Variants in DEAF1 observed in about 807,000 individuals in gnomAD.
DEAF1 encodes the protein DEAF1 transcription factor, also known as deformed epidermal autoregulatory factor 1 homolog.
A neutral mutation model predicts 58.9 loss-of-function variants in DEAF1; 53 were observed. The observed-to-expected ratio is 0.90, with a 90% CI of 0.72 to 1.13. The LOEUF (loss-of-function observed/expected upper bound fraction) is 1.13. Among genes scored for constraint, DEAF1 ranks in the 50% most tolerant of loss-of-function variants. The probability of loss-of-function intolerance (pLI) is 0.00; values close to 1 mark genes in which losing one functional copy is unlikely to be tolerated. For missense variants in DEAF1, 685 were observed against 791.4 expected (o/e 0.87, Z 1.61); for synonymous variants, 385 against 340.4 (o/e 1.13, Z -1.44).
rs920042217 is a variant in DEAF1 at position 653,982 on chromosome 11, A to T, written c.1573T>A (p.Ser525Thr). 1.2e-6 allele frequency: 2 copies of T among 1,613,850 alleles called. No homozygotes were observed. Among genetic ancestry groups the T allele is most frequent in the Non-Finnish European group, 1.7e-6 (2 of 1,179,950 alleles). The part of the protein sequence containing the change: ...CTGCHKVNYC[S>T]TFCQRKDWKD... ...CCTACCTTGCGTTGGCAGAAGGTGG[A>T]GCAGTAGTTGACCTTGTGGCAGCCG... The change falls in exon 11 of 12, where the codon TCC (serine) becomes ACC (threonine). Residue 525 changes from serine (S) to threonine (T), a missense_variant. This residue lies in a region of DEAF1 where 343 missense variants were observed against 379.8 expected (regional missense o/e 0.90). Coordinates refer to ENST00000382409, the MANE Select transcript of DEAF1 (RefSeq NM_021008.4).
chr11:695,171 C>A lies in DEAF1; in HGVS notation c.-124G>T. On this transcript the variant is annotated 5_prime_UTR_variant, in exon 1 of 12. Coordinates refer to ENST00000382409, the MANE Select transcript of DEAF1 (RefSeq NM_021008.4). ...GCCGAGGCCGCCCGAAGCCGCCGCC[C>A]GAATAGGGACCGAAAAGGCAGCCAG... 1.1e-6 allele frequency: 1 copy of A among 900,280 alleles called. No individual in the cohort carries two copies. Among genetic ancestry groups the A allele is most frequent in the Non-Finnish European group, 1.5e-6 (1 of 666,460 alleles). 55.8% of individuals were successfully genotyped at this position (900,280 alleles called of 1,614,324 possible). A position where few individuals can be genotyped will look rare whatever the true frequency, so the allele number is the denominator to read the frequency against.
Position 688,366 on chromosome 11 carries a change from G to T in DEAF1, c.482C>A (p.Thr161Asn). 1 of 1,613,844 alleles carries T rather than the reference G, an allele frequency of 6.2e-7. No individual in the cohort carries two copies. The highest frequency in any genetic ancestry group is 8.5e-7 in the Non-Finnish European group (1 of 1,180,032). The change falls in exon 3 of 12, where the codon ACC becomes AAC. Residue 161 changes from threonine (T) to asparagine (N), a missense_variant. Physicochemically the swap from Thr to Asn is moderately conservative, Grantham distance 65 (BLOSUM62 0). Transcript: ENST00000382409. The surrounding 1 kb of genome is among the most constrained non-coding windows in gnomAD (Gnocchi z 4.3). ...GGGAGCTGCCGGGCCTTTCAGCCCG[G>T]TGGTCTCCACGATGCTCCCATCTGT... ...VHTDGSIVET[T>N]GLKGPAAPLT...
intron 1 of DEAF1, chr11:703,457 T>TCCACAGACCC: frequency 2.4e-6 from 3 of 1,269,832 alleles, no homozygotes; most frequent in Non-Finnish European, 3.0e-6. Flanking sequence ...CAGCCAGGCC[T>TCCACAGACCC]CCACAGACCC....
In DEAF1 at chr11:678,685, C is replaced by G; in HGVS notation, c.1255+9G>C. ...TAACCTGTACATGTGTGAATTCTTT[C>G]AAACCTACCTATTTTGGGATGTGAC... is the stretch of plus-strand genomic sequence containing the variant. On this transcript the variant is annotated intron_variant, in intron 9 of 11. Coordinates refer to ENST00000382409, the MANE Select transcript of DEAF1 (RefSeq NM_021008.4). The G allele has an allele frequency of 3.7e-6, 6 of 1,613,962 alleles. No homozygotes were observed. Among genetic ancestry groups the G allele is most frequent in the Non-Finnish European group, 5.1e-6 (6 of 1,179,910 alleles).
chr11:705,615 C>T (rs894707431), intron 1 of DEAF1, among the ~76,000 whole-genome samples: 2 of 152,182 alleles, frequency 1.3e-5, no homozygotes, highest in Admixed American at 6.5e-5. Context: ...GGCTCCAGGC[C>T]TGGGGTGGGC....
At chr11:673,537 A>G (rs369287500) in intron 10 of DEAF1, among the ~76,000 whole-genome samples, 10 of 152,330 alleles carry the variant, frequency 6.6e-5, no homozygotes, top group African/African-American at 2.4e-4. Flanking sequence ...CACAAATAAA[A>G]ATAAAAATAG....
At chr11:678,995 C>A (rs1468840982) in intron 8 of DEAF1, among the ~76,000 whole-genome samples, 173 bp from the exon 9 acceptor site, 1 of 152,152 alleles carries the variant, frequency 6.6e-6, no homozygotes, top group Admixed American at 6.5e-5. Flanking sequence ...AGGATTGGGG[C>A]TATATCAGGT....
chr11:682,433 C>A (rs983430101), intron 6 of DEAF1, among the ~76,000 whole-genome samples: 3 of 152,242 alleles, frequency 2.0e-5, no homozygotes, highest in African/African-American at 7.2e-5. Context: ...GAACTGCTGG[C>A]CTCCTCTTAA....
intron 10 of DEAF1, among the ~76,000 whole-genome samples, chr11:667,085 A>G (rs1859571760): frequency 6.6e-6 from 1 of 151,934 alleles, no homozygotes; most frequent in Non-Finnish European, 1.5e-5. Context: ...GTGTAGTCCC[A>G]GCTACTCAGA....
Position 656,208 on chromosome 11 carries a change from T to C in DEAF1, c.1504-2157A>G, listed in dbSNP as rs573721297. Among the ~76,000 whole-genome samples the C allele has an allele frequency of 2.0e-4, 30 of 149,944 alleles. No homozygotes were observed. In the South Asian group the frequency reaches 6.3e-3, roughly 31 times the overall value. ...TCTCGCTCTGTCGCCCAGCCTGGAGTGCAGTGGCACGATCTCAGCTCATTG... is the reference window on the plus strand; with the variant it reads ...TCTCGCTCTGTCGCCCAGCCTGGAGCGCAGTGGCACGATCTCAGCTCATTG... On this transcript the variant is annotated intron_variant, in intron 10 of 11. Coordinates refer to ENST00000382409, the MANE Select transcript of DEAF1 (RefSeq NM_021008.4).
At chr11:703,490 G>A in intron 1 of DEAF1, 1 of 1,257,264 alleles carries the variant, frequency 8.0e-7, no homozygotes, top group Non-Finnish European at 1.0e-6. Flanking sequence ...AGGGCCGAGA[G>A]GGAGGACAGA....
chr11:694,951 C>G lies in DEAF1; in HGVS notation c.97G>C (p.Ala33Pro), dbSNP rs2133439224. The change falls in exon 1 of 12, where the codon GCA (alanine) becomes CCA (proline). Residue 33 changes from alanine (A) to proline (P), a missense_variant. Coordinates refer to ENST00000382409, the MANE Select transcript of DEAF1 (RefSeq NM_021008.4). ...AAVAAAAAAA[A>P]GGEAEEPVLS... is the part of the protein sequence containing the mutation. ...ACCGGCTCCTCCGCCTCGCCTCCTG[C>G]CGCGGCCGCGGCCGCCGCCGCCACA... is the stretch of plus-strand genomic sequence containing the variant. 8.1e-7 allele frequency: 1 copy of G among 1,238,792 alleles called. No individual in the cohort carries two copies. Among genetic ancestry groups the G allele is most frequent in the East Asian group, 3.6e-5 (1 of 27,938 alleles). 76.7% of individuals were successfully genotyped at this position (1,238,792 alleles called of 1,614,324 possible). A position where few individuals can be genotyped will look rare whatever the true frequency, so the allele number is the denominator to read the frequency against.
At chr11:661,278 G>T (rs1348554942) in intron 10 of DEAF1, among the ~76,000 whole-genome samples, 1 of 152,176 alleles carries the variant, frequency 6.6e-6, no homozygotes, top group Non-Finnish European at 1.5e-5. Flanking sequence ...GACAGCCAAG[G>T]GCATCTGCTT....
chr11:670,259 A>T (rs538281436), intron 10 of DEAF1, among the ~76,000 whole-genome samples: 3 of 152,210 alleles, frequency 2.0e-5, no homozygotes, highest in Non-Finnish European at 4.4e-5. Context: ...AGTTTACCTC[A>T]ATTACCAAAA....
In DEAF1 at chr11:688,677, G is replaced by A. The variant is rs1312755488; in HGVS notation, c.388-217C>T. Among the ~76,000 whole-genome samples the A allele has an allele frequency of 6.6e-6, 1 of 152,184 alleles. No individual in the cohort carries two copies. The highest frequency in any genetic ancestry group is 1.5e-5 in the Non-Finnish European group (1 of 68,030). ...ACAATGCCGAAGTCTGTGTGGTGCTGAGGAAAATGCTTGCCATCATTTGTC... is the reference window on the plus strand; with the variant it reads ...ACAATGCCGAAGTCTGTGTGGTGCTAAGGAAAATGCTTGCCATCATTTGTC... On this transcript the variant is annotated intron_variant, in intron 2 of 11. Coordinates refer to ENST00000382409, the MANE Select transcript of DEAF1 (RefSeq NM_021008.4). This position sits in a 1 kb window ranked among gnomAD's most constrained non-coding sequence, Gnocchi z 4.3.
chr11:645,727 G>C (rs777192384), intron 11 of DEAF1, among the ~76,000 whole-genome samples: 1 of 152,198 alleles, frequency 6.6e-6, no homozygotes, highest in African/African-American at 2.4e-5. Context: ...CTCCTGTGAG[G>C]TCAGCACACA....
chr11:677,164 T>C (rs1301582675), intron 9 of DEAF1, among the ~76,000 whole-genome samples: 1 of 151,638 alleles, frequency 6.6e-6, no homozygotes. Context: ...TGGGGTCTCC[T>C]TATGTTGCCC....
intron 1 of DEAF1, 70 bp from the exon 2 acceptor site, chr11:691,668 G>A (rs1860841298): frequency 1.1e-5 from 15 of 1,424,306 alleles, no homozygotes; most frequent in African/African-American, 2.8e-5. Flanking sequence ...GCCTCGCTCA[G>A]GTGCTTCAAA....
chr11:687,787 C>G, intron 4 of DEAF1, 124 bp downstream of exon 4: 1 of 1,340,776 alleles, frequency 7.5e-7, no homozygotes, highest in Non-Finnish European at 1.1e-6. Flanking sequence ...TCAGCCACCG[C>G]GCCCAGCCCT....
Sources: gnomAD v4.1 joint callset for allele counts (sites outside exome capture counted in the v4.1 genomes callset) on GRCh38, gnomAD v4.1.1 for gene constraint, gnomAD v4.1.1 regional missense constraint, Gnocchi (gnomAD v3.1) non-coding constraint, MANE v1.5 for transcripts, NCBI Gene and HGNC (gene_info 2026-07-23, HGNC 2026-07-21) for gene names.